Variants in PHLDB3 observed in about 807,000 individuals in gnomAD.
The protein encoded by PHLDB3 is pleckstrin homology-like domain family B member 3.
A neutral mutation model predicts 85.7 loss-of-function variants in PHLDB3; 86 were observed. The observed-to-expected ratio is 1.00, with a 90% CI of 0.84 to 1.20. The LOEUF (loss-of-function observed/expected upper bound fraction) is 1.20, where lower values mean the gene tolerates loss of function less well. PHLDB3 is among the 50% of genes most tolerant of loss of function. PHLDB3 has a pLI of 0.00. For missense variants in PHLDB3, 995 were observed against 873.0 expected (o/e 1.14, Z -1.76); for synonymous variants, 376 against 349.8 (o/e 1.07, Z -0.83).
In PHLDB3 at chr19:43,491,507, AT is replaced by A. The variant is rs577903864; in HGVS notation, c.1149+3194del. The stretch of plus-strand genomic sequence containing the variant: ...TTAATATTGATTAATAAATAACAAG[AT>A]TTTTTTTTTTTAAGATGGAGTCTCG... On this transcript the variant is annotated intron_variant, in intron 9 of 15. Transcript: ENST00000292140. 6.3e-3 allele frequency among the ~76,000 whole-genome samples: 932 copies of A among 147,052 alleles called. 10 individuals are homozygous for A. The highest frequency in any genetic ancestry group is 0.019 in the African/African-American group (772 of 40,370).
At chr19:43,486,936 C>T in intron 10 of PHLDB3, 66 bp from the exon 11 acceptor site, 1 of 1,480,716 alleles carries the variant, frequency 6.8e-7, no homozygotes, top group Non-Finnish European at 9.0e-7. Context: ...CACTTCTCCC[C>T]TGCAGGCATA....
chr19:43,496,971 G>T, intron 6 of PHLDB3, 147 bp downstream of exon 6: 1 of 1,160,428 alleles, frequency 8.6e-7, no homozygotes, highest in Non-Finnish European at 1.1e-6. Context: ...CTGGCACATA[G>T]TAAATGTTTC....
At chr19:43,487,404 A>G (rs1333125504) in intron 9 of PHLDB3, among the ~76,000 whole-genome samples, 5 of 151,750 alleles carry the variant, frequency 3.3e-5, no homozygotes, top group African/African-American at 4.8e-5. Flanking sequence ...GTGAAACCCC[A>G]TCTCTACTAA....
Position 43,495,544 on chromosome 19 carries a change from C to A in PHLDB3, c.902G>T (p.Ser301Ile). The A allele has an allele frequency of 6.2e-7, 1 of 1,608,432 alleles. No homozygotes were observed. ...KSLGEQMAAE[S>I]RGLSRKKEEA... is the part of the protein sequence containing the mutation. ...CTCCTTCTTCCGGCTCAACCCCCGG[C>A]TCTCGGCTGCCATCTGCTCCCCCAG... is the stretch of plus-strand genomic sequence containing the variant. Residue 301 changes from serine to isoleucine, a missense_variant, in exon 7 of 16, where the codon AGC (serine) becomes ATC (isoleucine). Physicochemically the swap from Ser to Ile is moderately radical, Grantham distance 142. Coordinates refer to ENST00000292140, the MANE Select transcript of PHLDB3 (RefSeq NM_198850.4).
chr19:43,492,015 G>C (rs1402950448), intron 9 of PHLDB3, among the ~76,000 whole-genome samples: 2 of 150,054 alleles, frequency 1.3e-5, no homozygotes, highest in Non-Finnish European at 3.0e-5. Context: ...GAGAGCAGTG[G>C]CATGATCTCG....
At chr19:43,479,231 T>C (rs1970987050) in intron 14 of PHLDB3, 146 bp downstream of exon 14, 1 of 762,308 alleles carries the variant, frequency 1.3e-6, no homozygotes, top group Non-Finnish European at 2.1e-6. Context: ...TCCTGGGTTG[T>C]AGGGAAGTTA....
Position 43,501,753 on chromosome 19 carries a change from C to CCGCGCTGCTCCGAGGCCG in PHLDB3, c.497_514dup (p.Ala166_Arg171dup), listed in dbSNP as rs765075760. The CCGCGCTGCTCCGAGGCCG allele has an allele frequency of 1.2e-5, 19 of 1,582,764 alleles. No individual in the cohort carries two copies. The East Asian group carries it at 2.5e-4, about 21-fold the overall frequency. ...ACAGACCTGTTCCCGCTGCTGGCGG[C>CCGCGCTGCTCCGAGGCCG]CGCGCTGCTCCGAGGCCGCCTGCTG... is the stretch of plus-strand genomic sequence containing the variant. On this transcript the variant is annotated inframe_insertion, in exon 4 of 16. Coordinates refer to ENST00000292140, the MANE Select transcript of PHLDB3 (RefSeq NM_198850.4).
intron 9 of PHLDB3, among the ~76,000 whole-genome samples, chr19:43,487,548 C>T: frequency 9.4e-6 from 1 of 106,258 alleles, no homozygotes; most frequent in South Asian, 3.2e-4. Flanking sequence ...GTACTCCAGC[C>T]TGGGCGACAG....
In PHLDB3 at chr19:43,503,962, G is replaced by C. The variant is rs749492650; in HGVS notation, c.157C>G (p.Gln53Glu). ...TCTCCCACTTCTTCTTCCTCTGCCTGCTGCTCAGCTCCCCCGCGGCTCGAA... is the reference window on the plus strand; with the variant it reads ...TCTCCCACTTCTTCTTCCTCTGCCTCCTGCTCAGCTCCCCCGCGGCTCGAA... The part of the protein sequence containing the change: ...EPSSRGGAEQ[Q>E]AEEEEVGEGS... The change falls in exon 2 of 16, where the codon CAG (glutamine) becomes GAG (glutamate). Residue 53 changes from glutamine to glutamate, a missense_variant. Gln to Glu is a conservative substitution (Grantham distance 29). Transcript: ENST00000292140. 1.2e-6 allele frequency: 2 copies of C among 1,613,798 alleles called. No homozygotes were observed. The highest frequency in any genetic ancestry group is 3.3e-5 in the Admixed American group (2 of 59,998).
chr19:43,489,866 G>A (rs1971273189), intron 9 of PHLDB3, among the ~76,000 whole-genome samples: 3 of 151,852 alleles, frequency 2.0e-5, no homozygotes, highest in African/African-American at 7.3e-5. Context: ...AATAAGCTGG[G>A]CGTGGTGGTG....
At chr19:43,475,676 C>T in intron 15 of PHLDB3, 132 bp from the exon 16 acceptor site, 1 of 1,177,458 alleles carries the variant, frequency 8.5e-7, no homozygotes, top group South Asian at 1.6e-5. Context: ...GTCAGTTTCC[C>T]TGTCTTCCCA....
chr19:43,501,568 G>C, intron 4 of PHLDB3, 166 bp downstream of exon 4: 1 of 1,322,014 alleles, frequency 7.6e-7, no homozygotes, highest in Non-Finnish European at 1.0e-6. Context: ...CGCCCAGGGA[G>C]GGAGAAGGAA....
At chr19:43,486,202 G>T (rs1599939882) in intron 13 of PHLDB3, 64 bp downstream of exon 13, 2 of 1,530,130 alleles carry the variant, frequency 1.3e-6, no homozygotes, top group South Asian at 1.3e-5. Flanking sequence ...TGTAAGAAAG[G>T]GCATAGGTCA....
rs149990492 is a variant in PHLDB3, at chr19:43,497,845, C to T, written c.566G>A (p.Arg189His). 2.5e-5 allele frequency: 39 copies of T among 1,580,242 alleles called. No individual in the cohort carries two copies. The highest frequency in any genetic ancestry group is 1.2e-4 in the African/African-American group (9 of 74,222). Residue 189 changes from arginine to histidine, a missense_variant, in exon 5 of 16, where the codon CGC becomes CAC. Arg to His is a conservative substitution (Grantham distance 29). Coordinates refer to ENST00000292140, the MANE Select transcript of PHLDB3 (RefSeq NM_198850.4). ...GAGTCTCTGGCGAAGACCCTCTAGG[C>T]GATCCCGTTCCTGGCTCAGCCGCCT... The part of the protein sequence containing the change: ...EQRRLSQERD[R>H]LEGLRQRLRK...
intron 13 of PHLDB3, among the ~76,000 whole-genome samples, chr19:43,482,078 G>T (rs1971060078): frequency 6.6e-6 from 1 of 151,872 alleles, no homozygotes; most frequent in Admixed American, 6.6e-5. Flanking sequence ...TGATTACCTC[G>T]TTTCTTCTCC....
At chr19:43,495,884 G>T in intron 6 of PHLDB3, 1 of 426,620 alleles carries the variant, frequency 2.3e-6, no homozygotes, top group Non-Finnish European at 4.1e-6. Flanking sequence ...CAGAGATGTA[G>T]ACAAAGATTC....
intron 15 of PHLDB3, among the ~76,000 whole-genome samples, chr19:43,476,516 A>G (rs1226930074): frequency 1.3e-5 from 2 of 152,088 alleles, no homozygotes; most frequent in Non-Finnish European, 2.9e-5. Flanking sequence ...AAAACAAATT[A>G]GCTGGGTGTG....
intron 13 of PHLDB3, 35 bp downstream of exon 13, chr19:43,486,231 G>A (rs1012008888): frequency 1.0e-5 from 16 of 1,596,394 alleles, no homozygotes; most frequent in Non-Finnish European, 1.2e-5. Flanking sequence ...AACAGAGCAG[G>A]GAGAGGTGGG....
intron 4 of PHLDB3, among the ~76,000 whole-genome samples, chr19:43,500,919 C>CA (rs1335136971): frequency 1.7e-5 from 2 of 115,504 alleles, no homozygotes; most frequent in Non-Finnish European, 3.7e-5. Flanking sequence ...ACCCCCCCCC[C>CA]ACCCCGCAAG....
Sources: allele counts gnomAD v4.1 joint callset (sites outside exome capture counted in the v4.1 genomes callset), GRCh38; gene constraint gnomAD v4.1.1; transcripts MANE v1.5; gene names NCBI Gene and HGNC (gene_info 2026-07-23, HGNC 2026-07-21).